Variants in SPIRE1 observed in about 807,000 individuals in gnomAD.
The protein encoded by SPIRE1 is protein spire homolog 1.
Under a neutral mutation model 94.1 loss-of-function variants are expected in SPIRE1, and 40 were observed. That is an observed-to-expected ratio of 0.43 (90% CI 0.33 to 0.55). SPIRE1 has a LOEUF of 0.55. Ranked by LOEUF, SPIRE1 falls within the 20% of genes least tolerant of loss-of-function variation. SPIRE1 has a pLI of 0.06. For missense variants in SPIRE1, 838 were observed against 975.2 expected (o/e 0.86, Z 1.87); for synonymous variants, 376 against 371.7 (o/e 1.01, Z -0.13).
At position 12,553,003 on chromosome 18, in the gene SPIRE1, G is replaced by A. The variant is rs563241021; in HGVS notation, c.373-6099C>T. On this transcript the variant is annotated intron_variant, in intron 2 of 16. Coordinates refer to ENST00000409402, the MANE Select transcript of SPIRE1 (RefSeq NM_001128626.2). ...AGGAACCTGCTGCCTTGAACAGAAG[G>A]AACCAGTCTTGGCAGGATTCATCAC... 1.8e-3 allele frequency among the ~76,000 whole-genome samples: 269 copies of A among 152,244 alleles called. 2 individuals carry two copies. Among genetic ancestry groups the A allele is most frequent in the South Asian group, 4.1e-3 (20 of 4,824 alleles).
chr18:12,575,673 C>CAT (rs1178395442), intron 2 of SPIRE1, among the ~76,000 whole-genome samples: 4 of 152,116 alleles, frequency 2.6e-5, no homozygotes, highest in African/African-American at 9.7e-5. Context: ...GGTAAATAAG[C>CAT]ATATGTATTT....
chr18:12,648,343 G>A (rs899408717), intron 1 of SPIRE1, among the ~76,000 whole-genome samples: 6 of 152,104 alleles, frequency 3.9e-5, no homozygotes, highest in African/African-American at 1.2e-4. Flanking sequence ...ATGTCACATG[G>A]TTATCATGTG....
At chr18:12,607,620 C>T (rs1015844525) in intron 2 of SPIRE1, among the ~76,000 whole-genome samples, 3 of 151,806 alleles carry the variant, frequency 2.0e-5, no homozygotes, top group Non-Finnish European at 4.4e-5. Flanking sequence ...CACACACACA[C>T]ACACACACAC....
chr18:12,631,609 C>T (rs1394006694), intron 2 of SPIRE1, among the ~76,000 whole-genome samples: 1 of 149,564 alleles, frequency 6.7e-6, no homozygotes, highest in Non-Finnish European at 1.5e-5. Context: ...GGCACAGTGG[C>T]TTACGCCTGT....
intron 10 of SPIRE1, among the ~76,000 whole-genome samples, chr18:12,466,124 G>A (rs1480089970): frequency 1.3e-5 from 2 of 151,692 alleles, no homozygotes; most frequent in East Asian, 1.9e-4. Flanking sequence ...TGTCTACATC[G>A]TGCCAAATAA....
intron 3 of SPIRE1, among the ~76,000 whole-genome samples, chr18:12,546,057 T>G (rs1325051689): frequency 6.6e-6 from 1 of 152,130 alleles, no homozygotes; most frequent in Non-Finnish European, 1.5e-5. Context: ...TGGCGTGATC[T>G]CAGCTCACTG....
At chr18:12,501,072 C>CAAAAAAAAAAAAAA (rs67894900) in intron 6 of SPIRE1, among the ~76,000 whole-genome samples, 423 of 80,140 alleles carry the variant, frequency 5.3e-3, no homozygotes, top group East Asian at 7.7e-3. Flanking sequence ...AACTCTGTCT[C>CAAAAAAAAAAAAAA]AAAAAAAAAA....
At chr18:12,644,992 C>A (rs947838496) in intron 1 of SPIRE1, among the ~76,000 whole-genome samples, 2 of 151,940 alleles carry the variant, frequency 1.3e-5, no homozygotes, top group African/African-American at 4.8e-5. Context: ...GTACATGTAA[C>A]CCCAGTACTT....
chr18:12,648,147 C>T (rs542138736), intron 1 of SPIRE1, among the ~76,000 whole-genome samples: 4 of 152,188 alleles, frequency 2.6e-5, no homozygotes, highest in Non-Finnish European at 4.4e-5. Context: ...TTCAAAATAA[C>T]TCTAAGAAGA....
At chr18:12,592,525 T>G (rs1402926423) in intron 2 of SPIRE1, among the ~76,000 whole-genome samples, 1 of 152,196 alleles carries the variant, frequency 6.6e-6, no homozygotes, top group Non-Finnish European at 1.5e-5. Context: ...AGAGGCTAAG[T>G]GACCTGCTTG....
chr18:12,614,687 G>A (rs12965094), intron 2 of SPIRE1, among the ~76,000 whole-genome samples: 53,940 of 151,628 alleles, frequency 0.36, 10,853 homozygotes, highest in East Asian at 0.59. Flanking sequence ...GCACGGTCAC[G>A]GGCGCCTGTA....
intron 2 of SPIRE1, among the ~76,000 whole-genome samples, chr18:12,562,431 C>G (rs923482316): frequency 6.7e-6 from 1 of 148,176 alleles, no homozygotes; most frequent in African/African-American, 2.4e-5. Flanking sequence ...ACCACAGGCA[C>G]CTGCCACCAA....
intron 2 of SPIRE1, among the ~76,000 whole-genome samples, chr18:12,587,684 G>T (rs1407544427): frequency 6.6e-6 from 1 of 152,040 alleles, no homozygotes; most frequent in Non-Finnish European, 1.5e-5. Context: ...AGAACTACTG[G>T]TCTAACAACT....
intron 3 of SPIRE1, among the ~76,000 whole-genome samples, chr18:12,545,755 G>A (rs556016861): frequency 6.6e-6 from 1 of 152,252 alleles, no homozygotes; most frequent in South Asian, 2.1e-4. Flanking sequence ...TGACACTTGA[G>A]ATGCAAAATC....
At chr18:12,645,990 C>T (rs1022023286) in intron 1 of SPIRE1, among the ~76,000 whole-genome samples, 2 of 152,208 alleles carry the variant, frequency 1.3e-5, no homozygotes, top group Admixed American at 6.5e-5. Flanking sequence ...TAGTGGCCAC[C>T]TGAAGCATCC....
Position 12,449,383 on chromosome 18 carries a change from CCA to C in SPIRE1, c.*253_*254del, listed in dbSNP as rs2143470022. On this transcript the variant is annotated 3_prime_UTR_variant, in exon 17 of 17. Coordinates refer to ENST00000409402, the MANE Select transcript of SPIRE1 (RefSeq NM_001128626.2). ...AGGAAGTAGCTACTGGCTTCCAAAG[CCA>C]CACACACACAAAAGTAAGTTTCAAA... is the stretch of plus-strand genomic sequence containing the variant. 1.3e-4 allele frequency: 63 copies of C among 493,510 alleles called. No homozygotes were observed. Among genetic ancestry groups the C allele is most frequent in the Middle Eastern group, 5.6e-4 (1 of 1,780 alleles). 30.6% of individuals were successfully genotyped at this position (493,510 alleles called of 1,614,324 possible).
intron 5 of SPIRE1, among the ~76,000 whole-genome samples, chr18:12,511,619 A>T (rs2034038152): frequency 6.6e-6 from 1 of 152,242 alleles, no homozygotes; most frequent in African/African-American, 2.4e-5. Context: ...TGGTTTTAAT[A>T]AAACCAGAAA....
intron 1 of SPIRE1, among the ~76,000 whole-genome samples, chr18:12,653,608 G>C (rs566137218): frequency 2.0e-5 from 3 of 152,290 alleles, no homozygotes; most frequent in South Asian, 4.1e-4. Flanking sequence ...ACCAAGATTT[G>C]ATTCAAAGAG....
intron 10 of SPIRE1, among the ~76,000 whole-genome samples, chr18:12,465,869 A>G (rs1380008189): frequency 6.6e-6 from 1 of 152,148 alleles, no homozygotes; most frequent in Non-Finnish European, 1.5e-5. Context: ...GCAGATCACG[A>G]GGTCAGGAGT....
Sources: gnomAD v4.1 joint callset for allele counts (sites outside exome capture counted in the v4.1 genomes callset) on GRCh38, gnomAD v4.1.1 for gene constraint, MANE v1.5 for transcripts, NCBI Gene and HGNC (gene_info 2026-07-23, HGNC 2026-07-21) for gene names.